The following FBRSL1 variants were observed in gnomAD, a reference collection of about 807,000 sequenced individuals.
FBRSL1 encodes fibrosin-1-like protein.
In FBRSL1, 51 loss-of-function variants were observed where a neutral mutation model predicts 89.6. The observed-to-expected ratio is 0.57, with a 90% CI of 0.45 to 0.72. The LOEUF is 0.72. Ranked by LOEUF, FBRSL1 falls within the 30% of genes least tolerant of loss-of-function variation. The probability of loss-of-function intolerance (pLI) is 0.00; values close to 1 mark genes in which losing one functional copy is unlikely to be tolerated. For missense variants in FBRSL1, 1,618 were observed against 1,451.8 expected, an observed-to-expected ratio of 1.11 and a Z score of -1.86; for synonymous variants, 779 against 681.1, an observed-to-expected ratio of 1.14 and a Z score of -2.24.
At chr12:132,534,128 C>T (rs572169659) in intron 4 of FBRSL1, among the ~76,000 whole-genome samples, 2 of 152,302 alleles carry the variant, frequency 1.3e-5, no homozygotes, top group East Asian at 3.9e-4. Context: ...AGGTTTGTTC[C>T]AGCAGCCCAA....
rs977742962 is a variant in FBRSL1 at position 132,582,201 on chromosome 12, G to C, written c.2136G>C (p.Ala712=). The C allele has an allele frequency of 6.5e-7, 1 of 1,550,188 alleles. No homozygotes were observed. Among genetic ancestry groups the C allele is most frequent in the African/African-American group, 1.4e-5 (1 of 73,170 alleles). The change falls in exon 18 of 19, where the codon GCG becomes GCC. Residue 712 remains alanine (A), a synonymous_variant. Coordinates refer to ENST00000680143, the MANE Select transcript of FBRSL1 (RefSeq NM_001367871.1). ...CCCCGTGGCCCAAGTCCGTGGACGC[G>C]GAGCGGGTGTCAGCCCTGACCAACC... The part of the protein sequence containing the change: ...APPPWPKSVD[A]ERVSALTNHD...
At position 132,508,387 on chromosome 12, in the gene FBRSL1, G is replaced by A. The variant is rs61952075; in HGVS notation, c.489+37G>A. On this transcript the variant is annotated intron_variant, in intron 2 of 18. Coordinates refer to ENST00000680143, the MANE Select transcript of FBRSL1 (RefSeq NM_001367871.1). ...CCTCCCCGACCGGAAGCTCTGCGGC[G>A]GGTCAGTGCTCACCGCCCCAGGGCC... The A allele has an allele frequency of 0.31, 441,211 of 1,426,942 alleles. 67,673 individuals carry two copies. The highest frequency in any genetic ancestry group is 0.32 in the Non-Finnish European group (341,817 of 1,081,094). The allele number at this position is 1,426,942 out of a possible 1,614,324, so 88.4% of individuals were successfully genotyped here.
chr12:132,572,953 G>A (rs560996258), intron 11 of FBRSL1, among the ~76,000 whole-genome samples: 7 of 152,186 alleles, frequency 4.6e-5, no homozygotes, highest in Admixed American at 1.3e-4. Flanking sequence ...CTCACAGGCC[G>A]TCCTTACCGC....
At chr12:132,507,434 C>T (rs1043453134) in intron 1 of FBRSL1, 2 of 985,320 alleles carry the variant, frequency 2.0e-6, no homozygotes, top group African/African-American at 1.7e-5. Context: ...GACCCCAGAA[C>T]CTGGGGCTGC....
intron 1 of FBRSL1, among the ~76,000 whole-genome samples, chr12:132,507,665 C>T (rs1173501683): frequency 2.6e-5 from 4 of 152,150 alleles, no homozygotes; most frequent in Non-Finnish European, 5.9e-5. Context: ...TGGCCAGAAC[C>T]CCTCAGGCCC....
intron 1 of FBRSL1, 98 bp from the exon 2 acceptor site, chr12:132,508,055 G>C: frequency 2.3e-6 from 3 of 1,302,426 alleles, no homozygotes; most frequent in Non-Finnish European, 3.1e-6. Context: ...CTCCCAAGTG[G>C]GGAGGCTCCT....
intron 15 of FBRSL1, among the ~76,000 whole-genome samples, chr12:132,580,124 T>G (rs1185675734): frequency 6.6e-6 from 1 of 152,204 alleles, no homozygotes; most frequent in Non-Finnish European, 1.5e-5. Context: ...AGTCTTGCTG[T>G]GTCGCCAGGC....
chr12:132,518,589 C>T (rs1383396593), intron 2 of FBRSL1, among the ~76,000 whole-genome samples: 1 of 150,824 alleles, frequency 6.6e-6, no homozygotes. Context: ...CATCCATCCA[C>T]CCATCTGTCC....
chr12:132,571,506 G>T (rs747423062), intron 9 of FBRSL1: 5 of 1,506,894 alleles, frequency 3.3e-6, no homozygotes, highest in Non-Finnish European at 4.4e-6. Context: ...CCCCGACGCC[G>T]CCCGCCGCAC....
At chr12:132,528,160 T>C (rs1455834181) in intron 4 of FBRSL1, among the ~76,000 whole-genome samples, 172 bp downstream of exon 4, 2 of 151,646 alleles carry the variant, frequency 1.3e-5, no homozygotes, top group Admixed American at 6.6e-5. Context: ...TGGTGGGGGG[T>C]GGACAAGCTC....
chr12:132,543,717 G>A (rs1048017972), intron 4 of FBRSL1, among the ~76,000 whole-genome samples: 1 of 152,222 alleles, frequency 6.6e-6, no homozygotes, highest in South Asian at 2.1e-4. Flanking sequence ...GAGCCTGGAG[G>A]TGCTAAGCAT....
chr12:132,509,417 C>T lies in FBRSL1; in HGVS notation c.489+1067C>T, dbSNP rs921694840. 6.4e-6 allele frequency: 8 copies of T among 1,242,404 alleles called. No individual in the cohort carries two copies. The African/African-American group carries it at 9.3e-5, about 14-fold the overall frequency. 77.0% of individuals were successfully genotyped at this position (1,242,404 alleles called of 1,614,324 possible). On this transcript the variant is annotated intron_variant, in intron 2 of 18. Transcript: ENST00000680143. ...GCCAGCCCCGGCGGTCACTTCTGGGCCCCGGTCAGCCCTGCCGGCCCCAGC... is the reference window on the plus strand; with the variant it reads ...GCCAGCCCCGGCGGTCACTTCTGGGTCCCGGTCAGCCCTGCCGGCCCCAGC...
Position 132,582,050 on chromosome 12 carries a change from C to T in FBRSL1, c.1997-12C>T. 1 of 1,541,274 alleles carries T rather than the reference C, an allele frequency of 6.5e-7. No individual in the cohort carries two copies. Among genetic ancestry groups the T allele is most frequent in the Non-Finnish European group, 8.8e-7 (1 of 1,141,428 alleles). On this transcript the variant is annotated splice_polypyrimidine_tract_variant and intron_variant, in intron 17 of 18. Coordinates refer to ENST00000680143, the MANE Select transcript of FBRSL1 (RefSeq NM_001367871.1). Reference sequence around the variant, plus strand: ...CAGACCCAACCTCATGCTCCCCGGCCTCTGCCCCCAGCTCCCGGTGGCAGC... The same window carrying T: ...CAGACCCAACCTCATGCTCCCCGGCTTCTGCCCCCAGCTCCCGGTGGCAGC...
intron 17 of FBRSL1, 118 bp from the exon 18 acceptor site, chr12:132,581,944 G>A: frequency 7.8e-7 from 1 of 1,288,842 alleles, no homozygotes; most frequent in Non-Finnish European, 1.1e-6. Flanking sequence ...GGGCCTCCTT[G>A]GGGCACCCCC....
intron 1 of FBRSL1, among the ~76,000 whole-genome samples, chr12:132,503,736 T>C (rs970992942): frequency 2.6e-5 from 4 of 152,302 alleles, no homozygotes; most frequent in Middle Eastern, 3.4e-3. Flanking sequence ...GAGCAGATTT[T>C]CAGGTGCTCT....
chr12:132,575,057 G>A (rs965161635), intron 14 of FBRSL1, among the ~76,000 whole-genome samples: 5 of 152,040 alleles, frequency 3.3e-5, no homozygotes, highest in Admixed American at 6.5e-5. Context: ...CTGCGGGAGC[G>A]GGAGAGGGTC....
intron 4 of FBRSL1, among the ~76,000 whole-genome samples, chr12:132,545,785 C>T (rs1322108176): frequency 6.6e-6 from 1 of 152,260 alleles, no homozygotes; most frequent in South Asian, 2.1e-4. Context: ...AGGCTGCTCT[C>T]GAGGCCTGAT....
At chr12:132,535,813 G>C (rs975933913) in intron 4 of FBRSL1, among the ~76,000 whole-genome samples, 2 of 146,012 alleles carry the variant, frequency 1.4e-5, no homozygotes, top group Admixed American at 1.4e-4. Flanking sequence ...GTGCACGTGT[G>C]TCCATGATGG....
chr12:132,539,020 G>A (rs1489348498), intron 4 of FBRSL1, among the ~76,000 whole-genome samples: 1 of 148,810 alleles, frequency 6.7e-6, no homozygotes, highest in Admixed American at 6.7e-5. Context: ...AGTCACCCCC[G>A]GTCTGTGCCC....
Sources: gnomAD v4.1 joint callset for allele counts (sites outside exome capture counted in the v4.1 genomes callset) on GRCh38, gnomAD v4.1.1 for gene constraint, MANE v1.5 for transcripts, NCBI Gene and HGNC (gene_info 2026-07-23, HGNC 2026-07-21) for gene names.